The following ZC3H7A variants were observed in gnomAD, a reference collection of about 807,000 sequenced individuals.
ZC3H7A encodes the protein zinc finger CCCH-type containing 7A.
ZC3H7A carries 44 observed loss-of-function variants against 125.5 expected under a neutral mutation model. The ratio of observed to expected loss-of-function variants is 0.35; its 90% CI spans 0.28 to 0.45. ZC3H7A has a LOEUF of 0.45. Ranked by LOEUF, ZC3H7A falls within the 20% of genes least tolerant of loss-of-function variation. The pLI is 1.00. For missense variants in ZC3H7A, 977 were observed against 1,170.7 expected (o/e 0.83, Z 2.41); for synonymous variants, 399 against 391.2 (o/e 1.02, Z -0.23).
chr16:11,785,101 T>C (rs1454151611), intron 1 of ZC3H7A, among the ~76,000 whole-genome samples: 3 of 152,076 alleles, frequency 2.0e-5, no homozygotes, highest in African/African-American at 7.2e-5. Flanking sequence ...GAGGTTGCAG[T>C]GAGCCGAGAT....
At chr16:11,780,785 G>A (rs1030612908) in intron 3 of ZC3H7A, among the ~76,000 whole-genome samples, 2 of 152,142 alleles carry the variant, frequency 1.3e-5, no homozygotes, top group Non-Finnish European at 2.9e-5. Context: ...AAAAAACACA[G>A]GTGAACCAAT....
chr16:11,782,208 G>A (rs961535132), intron 2 of ZC3H7A, 79 bp downstream of exon 2: 15 of 1,516,134 alleles, frequency 9.9e-6, no homozygotes, highest in East Asian at 4.5e-5. Context: ...TGACTAAAGA[G>A]TTCTTCCTCT....
At chr16:11,786,021 T>A (rs948822365) in intron 1 of ZC3H7A, among the ~76,000 whole-genome samples, 9 of 152,224 alleles carry the variant, frequency 5.9e-5, no homozygotes, top group African/African-American at 2.2e-4. Flanking sequence ...ACAGCAGTAG[T>A]AGAAGACTGA....
Position 11,763,679 on chromosome 16 carries a change from AT to A in ZC3H7A, c.1821-21del, listed in dbSNP as rs780391612. On this transcript the variant is annotated intron_variant, in intron 15 of 22. Transcript: ENST00000355758. ...AGGCACCTAAGATGAAAACAGTGAC[AT>A]TTTAATATTGTTCTGCCATAGATTT... 138 of 1,431,780 alleles carry A rather than the reference AT, an allele frequency of 9.6e-5. No homozygotes were observed. The highest frequency in any genetic ancestry group is 1.3e-4 in the Non-Finnish European group (136 of 1,077,304). The allele number at this position is 1,431,780 out of a possible 1,614,324, so 88.7% of individuals were successfully genotyped here. A position where few individuals can be genotyped will look rare whatever the true frequency, so the allele number is the denominator to read the frequency against.
chr16:11,770,728 T>C lies in ZC3H7A; in HGVS notation c.1108+55A>G, dbSNP rs1031926813. 11 of 1,500,932 alleles carry C rather than the reference T, an allele frequency of 7.3e-6. No individual in the cohort carries two copies. The African/African-American group carries it at 1.4e-4, about 19-fold the overall frequency. The allele number at this position is 1,500,932 out of a possible 1,614,324, so 93.0% of individuals were successfully genotyped here. On this transcript the variant is annotated intron_variant, in intron 10 of 22. Transcript: ENST00000355758. ...CAGTTAAATAATTGCCAAACAAACA[T>C]TTTCATTTTGAGAAAATCAACTGCA...
intron 13 of ZC3H7A, among the ~76,000 whole-genome samples, chr16:11,767,065 A>G (rs1224949468): frequency 1.3e-5 from 2 of 152,194 alleles, no homozygotes; most frequent in Non-Finnish European, 2.9e-5. Flanking sequence ...GTCCTACACC[A>G]CATACTGACA....
At position 11,781,386 on chromosome 16, in the gene ZC3H7A, C is replaced by G. The variant is rs369914743; in HGVS notation, c.108+39G>C. The G allele has an allele frequency of 2.0e-5, 31 of 1,588,732 alleles. No individual in the cohort carries two copies. The African/African-American group carries it at 3.6e-4, about 18-fold the overall frequency. On this transcript the variant is annotated intron_variant, in intron 3 of 22. Transcript: ENST00000355758. ...GCTACAAATTACAGTTCACAAGCCACTTGCAGAGCTTTCAAGCAGACCTTC... is the reference window on the plus strand; with the variant it reads ...GCTACAAATTACAGTTCACAAGCCAGTTGCAGAGCTTTCAAGCAGACCTTC...
At chr16:11,768,034 T>C (rs2052891932) in intron 12 of ZC3H7A, among the ~76,000 whole-genome samples, 2 of 152,232 alleles carry the variant, frequency 1.3e-5, no homozygotes, top group Non-Finnish European at 2.9e-5. Context: ...ACTGAGAACA[T>C]AAGGAGTTTC....
At chr16:11,768,599 C>A in intron 11 of ZC3H7A, 98 bp from the exon 12 acceptor site, 1 of 1,104,204 alleles carries the variant, frequency 9.1e-7, no homozygotes, top group East Asian at 2.5e-5. Context: ...ATAAGATAAT[C>A]TTCATAAACT....
In ZC3H7A at chr16:11,776,337, C is replaced by A; in HGVS notation, c.568G>T (p.Gly190Trp). Residue 190 changes from glycine to tryptophan, a missense_variant, in exon 7 of 23, where the codon GGG becomes TGG. This residue lies in a region of ZC3H7A where 199 missense variants were observed against 256.1 expected (regional missense o/e 0.78). Transcript: ENST00000355758. ...RAELSLKSVP[G>W]DGATKALNHS... ...AACTTTACCTTGGTAGCCCCATCCC[C>A]AGGAACTGATTTTAATGAGAGCTGA... 3 of 1,608,764 alleles carry A rather than the reference C, an allele frequency of 1.9e-6. No individual in the cohort carries two copies. The highest frequency in any genetic ancestry group is 1.7e-6 in the Non-Finnish European group (2 of 1,178,814).
intron 10 of ZC3H7A, 132 bp from the exon 11 acceptor site, chr16:11,769,227 C>G (rs2052923824): frequency 2.9e-6 from 2 of 685,632 alleles, no homozygotes; most frequent in Non-Finnish European, 4.5e-6. Context: ...TTTTCTTGCT[C>G]AAGGTTGACA....
chr16:11,797,222 C>T lies in ZC3H7A; in HGVS notation c.-133G>A, dbSNP rs1440351263. 6.6e-6 allele frequency: 1 copy of T among 151,614 alleles called. No homozygotes were observed. The highest frequency in any genetic ancestry group is 1.5e-5 in the Non-Finnish European group (1 of 68,308). The allele number at this position is 151,614 out of a possible 1,614,324, so 9.4% of individuals were successfully genotyped here. On this transcript the variant is annotated 5_prime_UTR_variant, in exon 1 of 23. Transcript: ENST00000355758. ...GCGGCGGCGGCGGGGCCTGGGTGCT[C>T]GCTCGCAGCTCTCCCTCGGTTAGCG...
intron 1 of ZC3H7A, among the ~76,000 whole-genome samples, chr16:11,792,778 C>G (rs540030649): frequency 6.6e-6 from 1 of 152,348 alleles, no homozygotes; most frequent in Admixed American, 6.5e-5. Flanking sequence ...GAGAGCCTAT[C>G]CACCTGGCTC....
chr16:11,754,980 C>T (rs1458940536), intron 21 of ZC3H7A, among the ~76,000 whole-genome samples: 2 of 147,792 alleles, frequency 1.4e-5, no homozygotes, highest in South Asian at 2.1e-4. Flanking sequence ...AAGGCTGAGG[C>T]GGGTGGATCA....
At chr16:11,764,320 G>A (rs1403326256) in intron 15 of ZC3H7A, among the ~76,000 whole-genome samples, 8 of 152,074 alleles carry the variant, frequency 5.3e-5, no homozygotes, top group South Asian at 2.1e-4. Context: ...AGGCCAAGGC[G>A]GGTGGATCAC....
At position 11,765,532 on chromosome 16, in the gene ZC3H7A, T is replaced by G. The variant is rs778831246; in HGVS notation, c.1676A>C (p.Lys559Thr). Residue 559 changes from lysine to threonine, a missense_variant, in exon 14 of 23, where the codon AAA (lysine) becomes ACA (threonine). Transcript: ENST00000355758. This position sits in a 1 kb window ranked among gnomAD's most constrained non-coding sequence, Gnocchi z 4.8. ...TTCCCCAAGATGCTCCTGGAGAAGT[T>G]TGAACACAGTAAGGTTAATCTTTCC... ...GNGKINLTVF[K>T]LLQEHLGEFI... The G allele has an allele frequency of 6.2e-7, 1 of 1,614,002 alleles. No individual in the cohort carries two copies. Among genetic ancestry groups the G allele is most frequent in the Non-Finnish European group, 8.5e-7 (1 of 1,179,954 alleles).
chr16:11,768,631 T>G (rs2052911576), intron 11 of ZC3H7A, 130 bp from the exon 12 acceptor site: 1 of 774,144 alleles, frequency 1.3e-6, no homozygotes, highest in South Asian at 3.8e-5. Flanking sequence ...TACTCCATCC[T>G]TAATGCTCTT....
intron 12 of ZC3H7A, 94 bp from the exon 13 acceptor site, chr16:11,767,672 C>T: frequency 8.1e-7 from 1 of 1,234,362 alleles, no homozygotes; most frequent in Non-Finnish European, 1.1e-6. Context: ...AGATGAACAT[C>T]AATTATTAAA....
At chr16:11,763,429 C>A (rs765088871) in intron 16 of ZC3H7A, 49 bp downstream of exon 16, 10 of 1,533,608 alleles carry the variant, frequency 6.5e-6, no homozygotes, top group Non-Finnish European at 8.8e-6. Context: ...TTTCATTAAA[C>A]CCTGTCTGCT....
Sources: gnomAD v4.1 joint callset for allele counts (sites outside exome capture counted in the v4.1 genomes callset) on GRCh38, gnomAD v4.1.1 for gene constraint, gnomAD v4.1.1 regional missense constraint, Gnocchi (gnomAD v3.1) non-coding constraint, MANE v1.5 for transcripts, NCBI Gene and HGNC (gene_info 2026-07-23, HGNC 2026-07-21) for gene names.